Variants in YTHDC1 observed in about 807,000 individuals in gnomAD.
YTHDC1 encodes the protein YTH N6-methyladenosine RNA binding protein C1.
In YTHDC1, 12 loss-of-function variants were observed where a neutral mutation model predicts 107.0. That is an observed-to-expected ratio of 0.11 (90% CI 0.07 to 0.18). The LOEUF (loss-of-function observed/expected upper bound fraction) is 0.18. Among genes scored for constraint, YTHDC1 ranks in the 10% least tolerant of loss-of-function variants. The pLI, the probability that YTHDC1 is intolerant of heterozygous loss-of-function variation, is 1.00. For missense variants in YTHDC1, 635 were observed against 898.8 expected (o/e 0.71, Z 3.75); for synonymous variants, 280 against 289.5 (o/e 0.97, Z 0.33).
In YTHDC1 at chr4:68,324,208, G is replaced by C; in HGVS notation, c.1365C>G (p.Phe455Leu). The C allele has an allele frequency of 6.2e-7, 1 of 1,613,784 alleles. No individual in the cohort carries two copies. The highest frequency in any genetic ancestry group is 8.5e-7 in the Non-Finnish European group (1 of 1,179,708). The change falls in exon 10 of 17, where the codon TTC becomes TTG. Residue 455 changes from phenylalanine to leucine, a missense_variant. Phe to Leu is a conservative substitution (Grantham distance 22). Around this residue, in one of 5 missense-constraint regions of YTHDC1, gnomAD observed 256 missense variants for 372.9 expected, o/e 0.69. Coordinates refer to ENST00000344157, the MANE Select transcript of YTHDC1 (RefSeq NM_001031732.4). ...IDWICRRELP[F>L]TKSAHLTNPW... is the part of the protein sequence containing the mutation. ...GATTGGTGAGATGAGCCGACTTAGT[G>C]AAGGGTAATTCACGCCTAAATACAA...
At chr4:68,344,809 G>T (rs1725237983) in intron 1 of YTHDC1, among the ~76,000 whole-genome samples, 1 of 152,186 alleles carries the variant, frequency 6.6e-6, no homozygotes, top group Admixed American at 6.5e-5. Flanking sequence ...GCCAAAGCAG[G>T]CATATAGCTT....
At chr4:68,349,652 C>A in intron 1 of YTHDC1, 74 bp downstream of exon 1, 3 of 417,312 alleles carry the variant, frequency 7.2e-6, no homozygotes, top group East Asian at 8.6e-5. Context: ...CCACCCCCAA[C>A]GACGACCACT....
At chr4:68,329,434 T>G (rs1006094877) in intron 9 of YTHDC1, among the ~76,000 whole-genome samples, 18 of 152,176 alleles carry the variant, frequency 1.2e-4, no homozygotes, top group African/African-American at 4.1e-4. Flanking sequence ...AAAATTAATT[T>G]TACAGGTAAT....
rs1433292927 is a variant in YTHDC1 at position 68,312,765 on chromosome 4, T to TA, written c.*1333dup. On this transcript the variant is annotated 3_prime_UTR_variant, in exon 17 of 17. Coordinates refer to ENST00000344157, the MANE Select transcript of YTHDC1 (RefSeq NM_001031732.4). ...GTACACAGTACAACTGTTGATACTA[T>TA]AAAAAAATCAAACATTCAAATATTC... The TA allele has an allele frequency of 1.3e-5, 2 of 152,108 alleles. No individual in the cohort carries two copies. The highest frequency in any genetic ancestry group is 1.9e-4 in the East Asian group (1 of 5,200). The allele number at this position is 152,108 out of a possible 1,614,324, so 9.4% of individuals were successfully genotyped here.
At position 68,314,052 on chromosome 4, in the gene YTHDC1, T is replaced by C. The variant is rs1578009982; in HGVS notation, c.*47A>G. On this transcript the variant is annotated 3_prime_UTR_variant, in exon 17 of 17. Transcript: ENST00000344157. ...CTTGTAAACACACACAAAAAAAAAA[T>C]ACAAGATTTTTTGTATCTTTAAACA... The C allele has an allele frequency of 2.6e-6, 4 of 1,562,606 alleles. No homozygotes were observed. Among genetic ancestry groups the C allele is most frequent in the Non-Finnish European group, 3.5e-6 (4 of 1,147,094 alleles).
chr4:68,346,990 T>TA lies in YTHDC1; in HGVS notation c.28+2735dup, dbSNP rs573343638. Among the ~76,000 whole-genome samples, 133 of 152,296 alleles carry TA rather than the reference T, an allele frequency of 8.7e-4. 1 individual carries two copies. The highest frequency in any genetic ancestry group is 3.2e-3 in the African/African-American group (133 of 41,562). The stretch of plus-strand genomic sequence containing the variant: ...GTCAGGGGAGAACTGTTGTATAACT[T>TA]AAACTGAGAAACTCTTAGCTTTCGT... On this transcript the variant is annotated intron_variant, in intron 1 of 16. Transcript: ENST00000344157.
chr4:68,320,330 G>A (rs1722314259), intron 11 of YTHDC1, 125 bp from the exon 12 acceptor site: 2 of 594,890 alleles, frequency 3.4e-6, no homozygotes, highest in South Asian at 5.6e-5. Context: ...AATTTTTTTA[G>A]TGAGCAAATT....
intron 4 of YTHDC1, among the ~76,000 whole-genome samples, 178 bp downstream of exon 4, chr4:68,336,849 G>C (rs1268065999): frequency 1.3e-5 from 2 of 152,104 alleles, no homozygotes; most frequent in African/African-American, 4.8e-5. Context: ...CCTAAAATAT[G>C]TAAATCTTAT....
In YTHDC1 at chr4:68,332,147, T is replaced by C. The variant is rs748770901; in HGVS notation, c.1078A>G (p.Ile360Val). 1 of 1,611,064 alleles carries C rather than the reference T, an allele frequency of 6.2e-7. No homozygotes were observed. Residue 360 changes from isoleucine to valine, a missense_variant, in exon 7 of 17, where the codon ATA (isoleucine) becomes GTA (valine). By Grantham distance (29) the Ile-to-Val change is conservative (BLOSUM62 3). Around this residue, in one of 5 missense-constraint regions of YTHDC1, gnomAD observed 60 missense variants for 172.0 expected, o/e 0.35. Transcript: ENST00000344157. The part of the protein sequence containing the change: ...YVLQDARFFL[I>V]KSNNHENVSL... Reference sequence around the variant, plus strand: ...ACATTCTCATGGTTGTTACTCTTTATGAGGAAAAATCTTGCATCTTGAAGC... The same window carrying C: ...ACATTCTCATGGTTGTTACTCTTTACGAGGAAAAATCTTGCATCTTGAAGC...
intron 6 of YTHDC1, among the ~76,000 whole-genome samples, chr4:68,332,542 A>G (rs575597185): frequency 2.0e-5 from 3 of 150,600 alleles, no homozygotes; most frequent in South Asian, 4.2e-4. Context: ...TATATATAAC[A>G]CATACACACA....
Position 68,323,016 on chromosome 4 carries a change from T to C in YTHDC1, c.1435-101A>G, listed in dbSNP as rs943571069. On this transcript the variant is annotated intron_variant, in intron 10 of 16. Coordinates refer to ENST00000344157, the MANE Select transcript of YTHDC1 (RefSeq NM_001031732.4). Reference sequence around the variant, plus strand: ...AACAAAAACTGACTTGGAAGCTTTCTTCCCAAGGCTGATGATCATATGGGA... The same window carrying C: ...AACAAAAACTGACTTGGAAGCTTTCCTCCCAAGGCTGATGATCATATGGGA... 52 of 1,163,098 alleles carry C rather than the reference T, an allele frequency of 4.5e-5. 1 individual carries two copies. Among genetic ancestry groups the C allele is most frequent in the Admixed American group, 3.9e-4 (16 of 41,060 alleles). 72.0% of individuals were successfully genotyped at this position (1,163,098 alleles called of 1,614,324 possible). A position where few individuals can be genotyped will look rare whatever the true frequency, so the allele number is the denominator to read the frequency against.
chr4:68,332,205 A>C lies in YTHDC1; in HGVS notation c.1028-8T>G. On this transcript the variant is annotated splice_polypyrimidine_tract_variant and splice_region_variant and intron_variant, in intron 6 of 16. Coordinates refer to ENST00000344157, the MANE Select transcript of YTHDC1 (RefSeq NM_001031732.4). ...TGAGTTTACTGGTTTGATCTGAAAAAAAAAGAAACCCAAATCGATTAACCA... is the reference window on the plus strand; with the variant it reads ...TGAGTTTACTGGTTTGATCTGAAAACAAAAGAAACCCAAATCGATTAACCA... 6.3e-7 allele frequency: 1 copy of C among 1,580,000 alleles called. No individual in the cohort carries two copies.
chr4:68,329,872 C>A, intron 9 of YTHDC1, 130 bp downstream of exon 9: 1 of 645,314 alleles, frequency 1.5e-6, no homozygotes, highest in Non-Finnish European at 2.7e-6. Context: ...TTGTTGTGTC[C>A]CACATTAGAT....
chr4:68,349,642 C>T lies in YTHDC1; in HGVS notation c.28+84G>A, dbSNP rs1725863989. The T allele has an allele frequency of 1.0e-5, 4 of 396,686 alleles. 1 individual carries two copies. The highest frequency in any genetic ancestry group is 7.6e-5 in the South Asian group (4 of 52,546). 24.6% of individuals were successfully genotyped at this position (396,686 alleles called of 1,614,324 possible). Reference sequence around the variant, plus strand: ...AGCTAACCTCCCCAACCCCCACCCCCCACCCCCAACGACGACCACTGCTCC... The same window carrying T: ...AGCTAACCTCCCCAACCCCCACCCCTCACCCCCAACGACGACCACTGCTCC... On this transcript the variant is annotated intron_variant, in intron 1 of 16. Coordinates refer to ENST00000344157, the MANE Select transcript of YTHDC1 (RefSeq NM_001031732.4).
chr4:68,324,294 TGA>T, intron 9 of YTHDC1, 71 bp from the exon 10 acceptor site: 2 of 1,340,416 alleles, frequency 1.5e-6, no homozygotes, highest in Non-Finnish European at 2.1e-6. Context: ...CTTTTAGTAG[TGA>T]ATTCCTGTAT....
chr4:68,336,751 A>G (rs1234915383), intron 4 of YTHDC1, among the ~76,000 whole-genome samples: 7 of 152,232 alleles, frequency 4.6e-5, no homozygotes, highest in Non-Finnish European at 7.3e-5. Flanking sequence ...AAGAATTTAC[A>G]GAAATCTGAA....
chr4:68,315,045 A>G (rs1721676670), intron 16 of YTHDC1, among the ~76,000 whole-genome samples: 1 of 152,208 alleles, frequency 6.6e-6, no homozygotes, highest in Non-Finnish European at 1.5e-5. Flanking sequence ...AAGATCCATA[A>G]AATAGAACTT....
chr4:68,328,686 CAT>C (rs1723251132), intron 9 of YTHDC1, among the ~76,000 whole-genome samples: 1 of 152,182 alleles, frequency 6.6e-6, no homozygotes, highest in South Asian at 2.1e-4. Flanking sequence ...TTTTTCTGCA[CAT>C]AGCTTTTTGC....
intron 12 of YTHDC1, among the ~76,000 whole-genome samples, chr4:68,319,302 G>GA (rs1389193344): frequency 1.3e-5 from 2 of 152,048 alleles, no homozygotes; most frequent in Admixed American, 1.3e-4. Flanking sequence ...GGGGGAGGGG[G>GA]AAAAAATTGC....
Sources: gnomAD v4.1 joint callset for allele counts (sites outside exome capture counted in the v4.1 genomes callset) on GRCh38, gnomAD v4.1.1 for gene constraint, gnomAD v4.1.1 regional missense constraint, MANE v1.5 for transcripts, NCBI Gene and HGNC (gene_info 2026-07-23, HGNC 2026-07-21) for gene names.